USH2A: variants seen among roughly 807,000 people sequenced by gnomAD.
USH2A encodes Usher syndrome 2A (autosomal recessive, mild).
Under a neutral mutation model 538.9 loss-of-function variants are expected in USH2A, and 443 were observed. That is an observed-to-expected ratio of 0.82 (90% CI 0.76 to 0.89). The LOEUF (loss-of-function observed/expected upper bound fraction) is 0.89. Among genes scored for constraint, USH2A ranks in the 40% least tolerant of loss-of-function variants. The probability of loss-of-function intolerance (pLI) is 0.00; values close to 1 mark genes in which losing one functional copy is unlikely to be tolerated. For synonymous variants in USH2A, 2,413 were observed against 2,273.5 expected (o/e 1.06, Z -1.75); for missense variants, 6,633 against 6,324.8 (o/e 1.05, Z -1.65).
intron 50 of USH2A, among the ~76,000 whole-genome samples, chr1:215,794,476 G>A (rs1662068251): frequency 6.6e-6 from 1 of 152,068 alleles, no homozygotes; most frequent in African/African-American, 2.4e-5. Context: ...AGGTTGAGGA[G>A]AAAAAGGGCC....
Position 215,798,890 on chromosome 1 carries a change from A to G in USH2A, c.9958+17T>C, listed in dbSNP as rs769766623. On this transcript the variant is annotated intron_variant, in intron 50 of 71. Transcript: ENST00000307340. ...TCAGATCCTCCATCTACTGAAAGGT[A>G]GACCTGGGCCCCTTACCTGGAAGGC... 1 of 1,613,826 alleles carries G rather than the reference A, an allele frequency of 6.2e-7. No homozygotes were observed. The highest frequency in any genetic ancestry group is 1.3e-5 in the African/African-American group (1 of 74,934).
Position 215,759,770 on chromosome 1 carries a change from C to A in USH2A, c.11121G>T (p.Lys3707Asn), listed in dbSNP as rs111033515. The A allele has an allele frequency of 4.0e-5, 64 of 1,613,914 alleles. No individual in the cohort carries two copies. The highest frequency in any genetic ancestry group is 5.3e-5 in the Non-Finnish European group (62 of 1,179,972). The change falls in exon 57 of 72, where the codon AAG (lysine) becomes AAT (asparagine). Residue 3707 changes from lysine (K) to asparagine (N), a missense_variant. Coordinates refer to ENST00000307340, the MANE Select transcript of USH2A (RefSeq NM_206933.4). ...GATATTGAGAAACGAGGCCATTGGG[C>A]TTTTCTGGCAGACTCCAATATAATT... ...TVELYWSLPE[K>N]PNGLVSQYQL...
At chr1:216,348,493 G>T (rs1327330431) in intron 4 of USH2A, among the ~76,000 whole-genome samples, 1 of 152,016 alleles carries the variant, frequency 6.6e-6, no homozygotes, top group African/African-American at 2.4e-5. Context: ...CAACTCATAG[G>T]TATTTGATTG....
At chr1:216,265,523 G>C (rs1412172924) in intron 11 of USH2A, among the ~76,000 whole-genome samples, 1 of 151,912 alleles carries the variant, frequency 6.6e-6, no homozygotes, top group African/African-American at 2.4e-5. Flanking sequence ...TTTGAAATCA[G>C]TACGTTGAAG....
chr1:215,735,830 G>T (rs1660140934), intron 60 of USH2A, among the ~76,000 whole-genome samples: 1 of 152,232 alleles, frequency 6.6e-6, no homozygotes, highest in African/African-American at 2.4e-5. Context: ...ATCTATAACT[G>T]CCAGATGGAT....
chr1:215,877,695 G>T, intron 43 of USH2A, 63 bp downstream of exon 43: 1 of 1,607,592 alleles, frequency 6.2e-7, no homozygotes. Flanking sequence ...GAGATACTTT[G>T]AACTATTCAA....
chr1:216,260,695 A>G (rs1016464887), intron 11 of USH2A, among the ~76,000 whole-genome samples: 1 of 152,008 alleles, frequency 6.6e-6, no homozygotes, highest in Admixed American at 6.6e-5. Flanking sequence ...AACTAATCCT[A>G]CTCCACAGTG....
In USH2A at chr1:215,867,173, A is replaced by C. The variant is rs761298851; in HGVS notation, c.8682-3T>G. 1 of 1,613,842 alleles carries C rather than the reference A, an allele frequency of 6.2e-7. No homozygotes were observed. Among genetic ancestry groups the C allele is most frequent in the Non-Finnish European group, 8.5e-7 (1 of 1,179,838 alleles). On this transcript the variant is annotated splice_region_variant and splice_polypyrimidine_tract_variant and intron_variant, in intron 43 of 71. Transcript: ENST00000307340. ...GCATATATTCATAGGTTGTAAACCT[A>C]AAATGTTGTTTTGTTAAAAAAAGTA... is the stretch of plus-strand genomic sequence containing the variant.
chr1:216,051,104 C>T (rs7542948), intron 30 of USH2A, among the ~76,000 whole-genome samples: 1,562 of 152,054 alleles, frequency 0.01, 32 homozygotes, highest in African/African-American at 0.036. Context: ...GCTTTTGTTT[C>T]TCAAGATTGG....
chr1:216,005,946 T>C (rs1668380998), intron 32 of USH2A, among the ~76,000 whole-genome samples: 2 of 150,670 alleles, frequency 1.3e-5, no homozygotes, highest in African/African-American at 5.0e-5. Context: ...ATAGTTAATA[T>C]CAATCCATTA....
chr1:216,183,493 A>C (rs559189334), intron 20 of USH2A, among the ~76,000 whole-genome samples: 59 of 152,086 alleles, frequency 3.9e-4, no homozygotes, highest in African/African-American at 1.4e-3. Flanking sequence ...TGCTTCCACC[A>C]TATGGGACAA....
At chr1:216,119,667 A>T (rs1408599) in intron 21 of USH2A, among the ~76,000 whole-genome samples, 2,106 of 152,246 alleles carry the variant, frequency 0.014, 51 homozygotes, top group African/African-American at 0.049. Flanking sequence ...TAATTAAACA[A>T]AATTGAGCAT....
At position 216,375,699 on chromosome 1, in the gene USH2A, A is replaced by C. The variant is rs567311697; in HGVS notation, c.652-10614T>G. On this transcript the variant is annotated intron_variant, in intron 3 of 71. Coordinates refer to ENST00000307340, the MANE Select transcript of USH2A (RefSeq NM_206933.4). ...CCTCAAGAAATTTTCCTTTGCATTC[A>C]ACTTGGCTGTTTGGTGCAAGAGGAC... Among the ~76,000 whole-genome samples, 5 of 152,228 alleles carry C rather than the reference A, an allele frequency of 3.3e-5. 1 individual carries two copies. The Middle Eastern group carries it at 0.014, about 414-fold the overall frequency.
chr1:216,116,972 G>C (rs1178168272), intron 21 of USH2A, among the ~76,000 whole-genome samples: 8 of 152,186 alleles, frequency 5.3e-5, no homozygotes, highest in Non-Finnish European at 5.9e-5. Context: ...GGAAAGGAAG[G>C]GGGTGCTCCT....
intron 4 of USH2A, among the ~76,000 whole-genome samples, chr1:216,345,888 T>C (rs925345837): frequency 6.6e-6 from 1 of 152,104 alleles, no homozygotes; most frequent in Non-Finnish European, 1.5e-5. Flanking sequence ...CAAAATTATC[T>C]TGAGCATTTA....
chr1:215,677,455 T>C (rs1323349895), intron 62 of USH2A, among the ~76,000 whole-genome samples: 1 of 152,180 alleles, frequency 6.6e-6, no homozygotes, highest in African/African-American at 2.4e-5. Context: ...TCTAAATGGC[T>C]TTAATGAGTT....
At chr1:215,862,333 A>G (rs2102436095) in intron 44 of USH2A, among the ~76,000 whole-genome samples, 1 of 151,952 alleles carries the variant, frequency 6.6e-6, no homozygotes, top group South Asian at 2.1e-4. Flanking sequence ...CAAACACCGC[A>G]TGTTCTCACT....
At chr1:215,730,709 C>T (rs1659971104) in intron 60 of USH2A, among the ~76,000 whole-genome samples, 1 of 152,162 alleles carries the variant, frequency 6.6e-6, no homozygotes, top group African/African-American at 2.4e-5. Context: ...TCACGATGAC[C>T]TAAGTATGAG....
At chr1:215,932,641 C>G (rs1156968105) in intron 38 of USH2A, among the ~76,000 whole-genome samples, 1 of 152,040 alleles carries the variant, frequency 6.6e-6, no homozygotes, top group Non-Finnish European at 1.5e-5. Flanking sequence ...GAATCACTGT[C>G]TGTCTTTGAA....
Sources: gnomAD v4.1 joint callset for allele counts (sites outside exome capture counted in the v4.1 genomes callset) on GRCh38, gnomAD v4.1.1 for gene constraint, MANE v1.5 for transcripts, NCBI Gene and HGNC (gene_info 2026-07-23, HGNC 2026-07-21) for gene names.